The following SGCZ variants were observed in gnomAD, a reference collection of about 807,000 sequenced individuals.
SGCZ encodes sarcoglycan zeta, also known as zeta-sarcoglycan.
A neutral mutation model predicts 41.3 loss-of-function variants in SGCZ; 40 were observed. The observed-to-expected ratio is 0.97, with a 90% CI of 0.75 to 1.26. SGCZ has a LOEUF of 1.26. SGCZ is among the 50% of genes most tolerant of loss of function. The pLI is 0.00. For missense variants in SGCZ, 552 were observed against 369.8 expected (o/e 1.49, Z -4.04); for synonymous variants, 206 against 137.5 (o/e 1.50, Z -3.49).
intron 1 of SGCZ, among the ~76,000 whole-genome samples, chr8:15,064,102 G>A (rs1313456574): frequency 1.3e-5 from 2 of 152,090 alleles, no homozygotes; most frequent in Admixed American, 6.6e-5. Context: ...TCTCACTTCA[G>A]AAGTTCTTGT....
At chr8:14,502,656 C>T (rs182121669) in intron 2 of SGCZ, among the ~76,000 whole-genome samples, 224 of 152,232 alleles carry the variant, frequency 1.5e-3, no homozygotes, top group African/African-American at 5.1e-3. Context: ...TAGAAAGACA[C>T]TTCTCAAAAG....
intron 1 of SGCZ, among the ~76,000 whole-genome samples, chr8:14,666,767 T>C (rs1563189412): frequency 6.6e-6 from 1 of 152,002 alleles, no homozygotes; most frequent in Non-Finnish European, 1.5e-5. Flanking sequence ...TTAATTATTA[T>C]TTTACGCTGC....
At chr8:15,037,658 C>T (rs1022974924) in intron 1 of SGCZ, among the ~76,000 whole-genome samples, 3 of 152,070 alleles carry the variant, frequency 2.0e-5, no homozygotes, top group Non-Finnish European at 4.4e-5. Flanking sequence ...AAGAGGCATT[C>T]AAATTGGAAA....
intron 3 of SGCZ, among the ~76,000 whole-genome samples, chr8:14,241,535 T>A (rs1798890695): frequency 9.0e-6 from 1 of 110,794 alleles, no homozygotes; most frequent in East Asian, 2.9e-4. Flanking sequence ...TATACTAACA[T>A]AAATATCTTT....
intron 3 of SGCZ, among the ~76,000 whole-genome samples, chr8:14,308,012 G>A (rs922703704): frequency 1.3e-5 from 2 of 152,052 alleles, no homozygotes; most frequent in African/African-American, 4.8e-5. Flanking sequence ...TGGATGCCAT[G>A]ACCAAGGAAA....
At chr8:14,240,132 G>C (rs545025364) in intron 3 of SGCZ, among the ~76,000 whole-genome samples, 1 of 151,544 alleles carries the variant, frequency 6.6e-6, no homozygotes, top group South Asian at 2.1e-4. Context: ...TTTGAAACCA[G>C]CCTGGCCAAC....
chr8:14,972,562 G>C (rs1399203332), intron 1 of SGCZ, among the ~76,000 whole-genome samples: 1 of 151,990 alleles, frequency 6.6e-6, no homozygotes, highest in African/African-American at 2.4e-5. Context: ...TTTTCTATTT[G>C]TTCTCTGCTC....
chr8:14,333,520 GAA>G (rs936662818), intron 2 of SGCZ, among the ~76,000 whole-genome samples: 2 of 147,418 alleles, frequency 1.4e-5, no homozygotes, highest in South Asian at 2.1e-4. Context: ...ATGACCTGGT[GAA>G]AAAAAAAAGT....
intron 1 of SGCZ, among the ~76,000 whole-genome samples, chr8:14,948,795 G>A (rs1800536735): frequency 6.6e-6 from 1 of 151,930 alleles, no homozygotes; most frequent in Non-Finnish European, 1.5e-5. Flanking sequence ...GCTGGTTTTT[G>A]TTTGTTTTTG....
intron 2 of SGCZ, among the ~76,000 whole-genome samples, chr8:14,533,667 C>T (rs1185840460): frequency 6.6e-6 from 1 of 151,956 alleles, no homozygotes; most frequent in African/African-American, 2.4e-5. Context: ...TTCAAGTGTA[C>T]TCTTTTATCC....
At chr8:14,339,761 T>C (rs1309055481) in intron 2 of SGCZ, among the ~76,000 whole-genome samples, 1 of 151,918 alleles carries the variant, frequency 6.6e-6, no homozygotes, top group Non-Finnish European at 1.5e-5. Flanking sequence ...AAAAGACGAG[T>C]ACATAGCACA....
chr8:14,822,073 T>TACAC (rs57337707), intron 1 of SGCZ, among the ~76,000 whole-genome samples: 3,128 of 141,614 alleles, frequency 0.022, 61 homozygotes, highest in African/African-American at 0.038. Context: ...CCCTAAAGAT[T>TACAC]ACACACACAC....
intron 3 of SGCZ, among the ~76,000 whole-genome samples, chr8:14,320,670 G>C (rs114061887): frequency 1.7e-4 from 26 of 152,050 alleles, no homozygotes; most frequent in African/African-American, 6.3e-4. Flanking sequence ...TGCTAACACG[G>C]GCATCCTGAG....
intron 3 of SGCZ, among the ~76,000 whole-genome samples, chr8:14,277,051 T>A (rs1197936299): frequency 6.6e-6 from 1 of 152,144 alleles, no homozygotes; most frequent in Non-Finnish European, 1.5e-5. Flanking sequence ...CTTCCTCACT[T>A]TGTTTGTGCT....
intron 3 of SGCZ, among the ~76,000 whole-genome samples, chr8:14,262,248 G>A (rs1799699922): frequency 6.6e-6 from 1 of 152,104 alleles, no homozygotes; most frequent in Non-Finnish European, 1.5e-5. Context: ...TACTGATAAG[G>A]TCGAATGCTA....
intron 1 of SGCZ, among the ~76,000 whole-genome samples, chr8:14,958,179 A>C (rs1392255459): frequency 6.6e-6 from 1 of 152,010 alleles, no homozygotes; most frequent in Non-Finnish European, 1.5e-5. Flanking sequence ...TTTACAAACA[A>C]AAAGAGTAAC....
intron 2 of SGCZ, among the ~76,000 whole-genome samples, chr8:14,374,408 C>T (rs965334840): frequency 6.6e-6 from 1 of 152,072 alleles, no homozygotes; most frequent in African/African-American, 2.4e-5. Context: ...AAAGGGAAAA[C>T]ACATATGAAA....
intron 1 of SGCZ, among the ~76,000 whole-genome samples, chr8:14,628,734 C>T (rs531019407): frequency 1.3e-5 from 2 of 152,038 alleles, no homozygotes; most frequent in East Asian, 1.9e-4. Flanking sequence ...CTCCTCATAA[C>T]CTAAAAATTG....
At chr8:14,307,094 G>A (rs1425622605) in intron 3 of SGCZ, among the ~76,000 whole-genome samples, 1 of 152,152 alleles carries the variant, frequency 6.6e-6, no homozygotes, top group Non-Finnish European at 1.5e-5. Context: ...AAAAGAGCAA[G>A]TACTGCTATA....
Sources: gnomAD v4.1 joint callset for allele counts (sites outside exome capture counted in the v4.1 genomes callset) on GRCh38, gnomAD v4.1.1 for gene constraint, MANE v1.5 for transcripts, NCBI Gene and HGNC (gene_info 2026-07-23, HGNC 2026-07-21) for gene names.